The following TBX15 variants were observed in gnomAD, a reference collection of about 807,000 sequenced individuals.
TBX15 encodes T-box transcription factor TBX15.
TBX15 carries 18 observed loss-of-function variants against 53.9 expected under a neutral mutation model. That is an observed-to-expected ratio of 0.33 (90% CI 0.23 to 0.49). The LOEUF is 0.49. TBX15 is among the 20% of genes least tolerant of loss of function. The pLI is 0.98. For missense variants in TBX15, 692 were observed against 749.5 expected (o/e 0.92, Z 0.90); for synonymous variants, 295 against 278.0 (o/e 1.06, Z -0.61).
At chr1:118,896,124 T>C (rs553852097) in intron 7 of TBX15, among the ~76,000 whole-genome samples, 1 of 152,302 alleles carries the variant, frequency 6.6e-6, no homozygotes, top group South Asian at 2.1e-4. Context: ...TTAGTTTTAG[T>C]ATATTTCATG....
rs143408325 is a variant in TBX15 at position 118,924,889 on chromosome 1, T to A, written c.522-72A>T. On this transcript the variant is annotated intron_variant, in intron 3 of 7. Coordinates refer to ENST00000369429, the MANE Select transcript of TBX15 (RefSeq NM_001330677.2). Reference sequence around the variant, plus strand: ...AGGGACAGAGGCCCAGGAAACAAGTTGAGACAGGGGAAAGGAGAGAAAAAC... The same window carrying A: ...AGGGACAGAGGCCCAGGAAACAAGTAGAGACAGGGGAAAGGAGAGAAAAAC... The A allele has an allele frequency of 3.3e-4, 504 of 1,546,964 alleles. 1 individual carries two copies. The African/African-American group carries it at 5.3e-3, about 16-fold the overall frequency.
At chr1:118,986,610 T>C (rs1657845481) in intron 1 of TBX15, among the ~76,000 whole-genome samples, 1 of 152,194 alleles carries the variant, frequency 6.6e-6, no homozygotes, top group Admixed American at 6.5e-5. Context: ...TCTATCCCAG[T>C]GCAGGCCGCT....
chr1:118,984,440 T>C (rs1557910682), intron 1 of TBX15, among the ~76,000 whole-genome samples: 1 of 152,226 alleles, frequency 6.6e-6, no homozygotes, highest in African/African-American at 2.4e-5. Flanking sequence ...AGCTGAGGAC[T>C]CCGGGTGGAG....
intron 1 of TBX15, among the ~76,000 whole-genome samples, chr1:118,962,695 G>T (rs1168361905): frequency 6.6e-6 from 1 of 152,128 alleles, no homozygotes; most frequent in African/African-American, 2.4e-5. Flanking sequence ...GGATTTAAGG[G>T]ACTCTCTCTA....
chr1:118,987,991 G>T lies in TBX15; in HGVS notation c.-196C>A. The T allele has an allele frequency of 2.9e-6, 2 of 693,518 alleles. No individual in the cohort carries two copies. The highest frequency in any genetic ancestry group is 4.7e-6 in the Non-Finnish European group (2 of 425,810). 43.0% of individuals were successfully genotyped at this position (693,518 alleles called of 1,614,324 possible). ...CCCTCCTCTGCCGGATCCGACCTGC[G>T]CCCCTACGCTGGCCCAGCTGCTAGG... On this transcript the variant is annotated 5_prime_UTR_variant, in exon 1 of 8. Coordinates refer to ENST00000369429, the MANE Select transcript of TBX15 (RefSeq NM_001330677.2).
chr1:118,892,143 A>G (rs1654168940), intron 7 of TBX15, among the ~76,000 whole-genome samples: 1 of 108,628 alleles, frequency 9.2e-6, no homozygotes, highest in Non-Finnish European at 1.7e-5. Context: ...GTAAATAGAC[A>G]TCTAGCTCTG....
intron 1 of TBX15, among the ~76,000 whole-genome samples, chr1:118,982,480 G>A (rs978363953): frequency 1.3e-5 from 2 of 152,154 alleles, no homozygotes; most frequent in Admixed American, 6.5e-5. Context: ...AAATGTAGTT[G>A]TCCCTTTCTC....
intron 1 of TBX15, 132 bp downstream of exon 1, chr1:118,987,459 A>G (rs1657875824): frequency 1.7e-6 from 2 of 1,168,096 alleles, no homozygotes. Context: ...CATTTGCGCG[A>G]AGAAACAGAA....
At chr1:118,900,789 G>T (rs1654603505) in intron 6 of TBX15, among the ~76,000 whole-genome samples, 1 of 152,164 alleles carries the variant, frequency 6.6e-6, no homozygotes, top group South Asian at 2.1e-4. Flanking sequence ...GCCACACTGA[G>T]CCTGGATGGA....
chr1:118,970,705 G>A (rs1233759126), intron 1 of TBX15, among the ~76,000 whole-genome samples: 1 of 152,182 alleles, frequency 6.6e-6, no homozygotes, highest in African/African-American at 2.4e-5. Context: ...ACTCTTGACT[G>A]TGCAGTTTTT....
rs1054808476 is a variant in TBX15 at position 118,885,102 on chromosome 1, A to G, written c.1439T>C (p.Val480Ala). 6.2e-7 allele frequency: 1 copy of G among 1,614,174 alleles called. No individual in the cohort carries two copies. The highest frequency in any genetic ancestry group is 1.1e-5 in the South Asian group (1 of 91,084). ...GGAGGCAGCATTGCCTGCCTGCATG[A>G]CATACTGAAACTGGGAAGTGGGAAA... ...GSFPTSQFQYVMQAGNAASSS... is the reference protein window; with the variant it reads ...GSFPTSQFQYAMQAGNAASSS... Residue 480 changes from valine to alanine, a missense_variant, in exon 8 of 8, where the codon GTC becomes GCC. Coordinates refer to ENST00000369429, the MANE Select transcript of TBX15 (RefSeq NM_001330677.2).
rs1393358750 is a variant in TBX15 at position 118,884,396 on chromosome 1, T to A, written c.*336A>T. On this transcript the variant is annotated 3_prime_UTR_variant, in exon 8 of 8. Transcript: ENST00000369429. ...TATGTGGGTGTGTATGTGTAACTTT[T>A]CATGGCTGCCACACACTAGCATCTC... is the stretch of plus-strand genomic sequence containing the variant. The A allele has an allele frequency of 2.7e-6, 1 of 369,912 alleles. No individual in the cohort carries two copies. Among genetic ancestry groups the A allele is most frequent in the Non-Finnish European group, 5.1e-6 (1 of 197,728 alleles). The allele number at this position is 369,912 out of a possible 1,614,324, so 22.9% of individuals were successfully genotyped here. A position where few individuals can be genotyped will look rare whatever the true frequency, so the allele number is the denominator to read the frequency against.
intron 6 of TBX15, among the ~76,000 whole-genome samples, chr1:118,909,258 T>C (rs1333265309): frequency 6.6e-6 from 1 of 152,202 alleles, no homozygotes; most frequent in Non-Finnish European, 1.5e-5. Context: ...AATACCATTT[T>C]TACTATAGAT....
chr1:118,983,948 C>G (rs1378990306), intron 1 of TBX15, among the ~76,000 whole-genome samples: 7 of 152,260 alleles, frequency 4.6e-5, no homozygotes, highest in African/African-American at 1.7e-4. Flanking sequence ...CCTCCGTGTT[C>G]ACCCTGTTAC....
chr1:118,902,272 A>C (rs978838014), intron 6 of TBX15, among the ~76,000 whole-genome samples: 1 of 152,078 alleles, frequency 6.6e-6, no homozygotes, highest in Admixed American at 6.6e-5. Context: ...CATTGGATAG[A>C]TCTAATTATT....
chr1:118,902,293 A>G (rs1654657339), intron 6 of TBX15, among the ~76,000 whole-genome samples: 1 of 151,872 alleles, frequency 6.6e-6, no homozygotes, highest in Non-Finnish European at 1.5e-5. Flanking sequence ...AGAAGGTACT[A>G]GTTCTATATA....
chr1:118,928,951 C>T (rs1456182531), intron 2 of TBX15, among the ~76,000 whole-genome samples: 1 of 152,208 alleles, frequency 6.6e-6, no homozygotes, highest in Non-Finnish European at 1.5e-5. Flanking sequence ...CCTTTGAATT[C>T]TCTTCTTAAA....
In TBX15 at chr1:118,884,736, A is replaced by G; in HGVS notation, c.1805T>C (p.Val602Ala). 6.2e-7 allele frequency: 1 copy of G among 1,614,000 alleles called. No individual in the cohort carries two copies. Residue 602 changes from valine (V) to alanine (A), a missense_variant, in exon 8 of 8, where the codon GTT becomes GCT. Coordinates refer to ENST00000369429, the MANE Select transcript of TBX15 (RefSeq NM_001330677.2). ...GSSSQMSVHM[V>A] is the part of the protein sequence containing the mutation. ...CCGTGGTGTTTGGACTGGCCTTTAA[A>G]CCATGTGCACGGACATCTGGGAGGA... is the stretch of plus-strand genomic sequence containing the variant.
In TBX15 at chr1:118,885,093, G is replaced by A. The variant is rs1270411692; in HGVS notation, c.1448C>T (p.Ala483Val). ...PTSQFQYVMQ[A>V]GNAASSSSSP... ...TGAGGAGCTGGAGGCAGCATTGCCTGCCTGCATGACATACTGAAACTGGGA... is the reference window on the plus strand; with the variant it reads ...TGAGGAGCTGGAGGCAGCATTGCCTACCTGCATGACATACTGAAACTGGGA... The change falls in exon 8 of 8, where the codon GCA (alanine) becomes GTA (valine). Residue 483 changes from alanine (A) to valine (V), a missense_variant. Physicochemically the swap from Ala to Val is moderately conservative, Grantham distance 64. Transcript: ENST00000369429. The A allele has an allele frequency of 1.9e-6, 3 of 1,614,068 alleles. No individual in the cohort carries two copies. The highest frequency in any genetic ancestry group is 2.5e-6 in the Non-Finnish European group (3 of 1,180,042).
Sources: gnomAD v4.1 joint callset for allele counts (sites outside exome capture counted in the v4.1 genomes callset) on GRCh38, gnomAD v4.1.1 for gene constraint, MANE v1.5 for transcripts, NCBI Gene and HGNC (gene_info 2026-07-23, HGNC 2026-07-21) for gene names.